The following CREB5 variants were observed in gnomAD, a reference collection of about 807,000 sequenced individuals.
CREB5 encodes cyclic AMP-responsive element-binding protein 5.
A neutral mutation model predicts 57.1 loss-of-function variants in CREB5; 19 were observed. The observed-to-expected ratio is 0.33, with a 90% CI of 0.23 to 0.49. CREB5 has a LOEUF of 0.49. Among genes scored for constraint, CREB5 ranks in the 20% least tolerant of loss-of-function variants. The pLI is 0.99. For synonymous variants in CREB5, 238 were observed against 238.3 expected, an observed-to-expected ratio of 1.00 and a Z score of 0.01; for missense variants, 579 against 671.6, an observed-to-expected ratio of 0.86 and a Z score of 1.52.
At chr7:28,387,664 A>G (rs1233174293) in intron 1 of CREB5, among the ~76,000 whole-genome samples, 1 of 152,086 alleles carries the variant, frequency 6.6e-6, no homozygotes, top group Non-Finnish European at 1.5e-5. Context: ...GAGCATCAGG[A>G]AGAAGAGCTA....
At chr7:28,738,606 A>C (rs989660078) in intron 7 of CREB5, among the ~76,000 whole-genome samples, 12 of 152,196 alleles carry the variant, frequency 7.9e-5, no homozygotes, top group Admixed American at 7.9e-4. Context: ...TCTCCTGGGA[A>C]TTTTCTTAAA....
At chr7:28,728,378 T>C (rs1255727163) in intron 7 of CREB5, among the ~76,000 whole-genome samples, 1 of 152,214 alleles carries the variant, frequency 6.6e-6, no homozygotes, top group Non-Finnish European at 1.5e-5. Context: ...ATCCTTTGGA[T>C]AAAAATATCA....
At position 28,488,319 on chromosome 7, in the gene CREB5, A is replaced by T. The variant is rs56263589; in HGVS notation, c.75+73A>T. 4,567 of 1,378,874 alleles carry T rather than the reference A, an allele frequency of 3.3e-3. 134 individuals are homozygous for T. The African/African-American group carries it at 0.058, about 17-fold the overall frequency. The allele number at this position is 1,378,874 out of a possible 1,614,324, so 85.4% of individuals were successfully genotyped here. The stretch of plus-strand genomic sequence containing the variant: ...GAAAGGGAAGCAACTCTCACCCGGC[A>T]ATCATGCCTGCCCTGGGCTTTCCTT... On this transcript the variant is annotated intron_variant, in intron 2 of 10. Coordinates refer to ENST00000357727, the MANE Select transcript of CREB5 (RefSeq NM_182898.4).
At chr7:28,516,405 A>C (rs1792957066) in intron 4 of CREB5, among the ~76,000 whole-genome samples, 1 of 152,220 alleles carries the variant, frequency 6.6e-6, no homozygotes, top group African/African-American at 2.4e-5. Flanking sequence ...TACTACAGCA[A>C]CATGTGGTCA....
At chr7:28,611,171 C>A (rs954327914) in intron 5 of CREB5, among the ~76,000 whole-genome samples, 1 of 151,990 alleles carries the variant, frequency 6.6e-6, no homozygotes. Context: ...TACATTGGGA[C>A]AAAAGTGAGG....
chr7:28,441,715 C>A (rs956186292), intron 1 of CREB5, among the ~76,000 whole-genome samples: 3 of 152,112 alleles, frequency 2.0e-5, no homozygotes, highest in Non-Finnish European at 4.4e-5. Flanking sequence ...TACTTTTAAT[C>A]TCCACATTTT....
At chr7:28,401,616 A>G (rs1157499334) in intron 1 of CREB5, among the ~76,000 whole-genome samples, 1 of 151,938 alleles carries the variant, frequency 6.6e-6, no homozygotes, top group African/African-American at 2.4e-5. Flanking sequence ...CCTGTGTCCA[A>G]GTGTTCTCAT....
intron 7 of CREB5, among the ~76,000 whole-genome samples, chr7:28,771,677 G>A (rs962227783): frequency 6.6e-6 from 1 of 151,506 alleles, no homozygotes; most frequent in African/African-American, 2.4e-5. Flanking sequence ...TAAATGGCAA[G>A]TACCTAAAAC....
At chr7:28,614,924 A>T (rs1054665465) in intron 5 of CREB5, among the ~76,000 whole-genome samples, 1 of 152,234 alleles carries the variant, frequency 6.6e-6, no homozygotes, top group African/African-American at 2.4e-5. Flanking sequence ...TATATAAAAG[A>T]TAAGTAGTCT....
At chr7:28,721,174 T>A (rs1583612495) in intron 6 of CREB5, among the ~76,000 whole-genome samples, 1 of 152,232 alleles carries the variant, frequency 6.6e-6, no homozygotes, top group Admixed American at 6.5e-5. Context: ...ATCTGGAGAC[T>A]CCATTGGTTG....
intron 7 of CREB5, among the ~76,000 whole-genome samples, chr7:28,734,302 T>A (rs1803851198): frequency 1.3e-5 from 2 of 151,790 alleles, no homozygotes; most frequent in Admixed American, 1.3e-4. Flanking sequence ...AAACTAAACT[T>A]TTTGCCTTCA....
In CREB5 at chr7:28,629,902, G is replaced by A. The variant is rs1239134461; in HGVS notation, c.464+59365G>A. On this transcript the variant is annotated intron_variant, in intron 5 of 10. Transcript: ENST00000357727. The stretch of plus-strand genomic sequence containing the variant: ...GGCCAGTGATTGACAAAGGAGTATA[G>A]ATTTGAAAGGATAGGCTTCTATGGC... 3.3e-5 allele frequency among the ~76,000 whole-genome samples: 5 copies of A among 152,314 alleles called. No individual in the cohort carries two copies. The East Asian group carries it at 9.6e-4, about 29-fold the overall frequency.
intron 5 of CREB5, among the ~76,000 whole-genome samples, chr7:28,687,775 G>C (rs530776361): frequency 1.3e-5 from 2 of 152,134 alleles, no homozygotes; most frequent in South Asian, 4.2e-4. Context: ...TTGGGCAGAG[G>C]TGGAAGTGGG....
chr7:28,760,068 G>T (rs1805556336), intron 7 of CREB5, among the ~76,000 whole-genome samples: 1 of 152,198 alleles, frequency 6.6e-6, no homozygotes, highest in Non-Finnish European at 1.5e-5. Flanking sequence ...GACGCCAAGA[G>T]AAAGAATTTG....
intron 4 of CREB5, among the ~76,000 whole-genome samples, chr7:28,522,693 C>A (rs949322146): frequency 1.3e-5 from 2 of 152,328 alleles, no homozygotes; most frequent in East Asian, 3.9e-4. Flanking sequence ...GCCACCGTGC[C>A]TGGCTATACC....
At chr7:28,557,481 G>C (rs1794924327) in intron 4 of CREB5, among the ~76,000 whole-genome samples, 1 of 151,162 alleles carries the variant, frequency 6.6e-6, no homozygotes. Context: ...TTCTGTGTGT[G>C]TGTTTTTTTT....
intron 5 of CREB5, among the ~76,000 whole-genome samples, chr7:28,651,627 T>C (rs1375254969): frequency 6.6e-6 from 1 of 152,148 alleles, no homozygotes; most frequent in Non-Finnish European, 1.5e-5. Flanking sequence ...CTGTTTCAAC[T>C]TTTCCTGGTC....
intron 2 of CREB5, among the ~76,000 whole-genome samples, chr7:28,492,244 T>C (rs1252125094): frequency 6.6e-6 from 1 of 152,162 alleles, no homozygotes; most frequent in Non-Finnish European, 1.5e-5. Flanking sequence ...AGGTGATCCA[T>C]CCGCCTCGGC....
At chr7:28,641,261 T>A (rs1798648326) in intron 5 of CREB5, among the ~76,000 whole-genome samples, 1 of 152,122 alleles carries the variant, frequency 6.6e-6, no homozygotes. Context: ...AAGCTGGGTA[T>A]GCAGGGTCAT....
Sources: allele counts gnomAD v4.1 joint callset (sites outside exome capture counted in the v4.1 genomes callset), GRCh38; gene constraint gnomAD v4.1.1; transcripts MANE v1.5; gene names NCBI Gene and HGNC (gene_info 2026-07-23, HGNC 2026-07-21).